The following TMEM132D variants were observed in gnomAD, a reference collection of about 807,000 sequenced individuals.
The protein encoded by TMEM132D is transmembrane protein 132D, also known as mature OL transmembrane protein.
Under a neutral mutation model 62.3 loss-of-function variants are expected in TMEM132D, and 21 were observed. That is an observed-to-expected ratio of 0.34 (90% confidence interval 0.24 to 0.49). The LOEUF is 0.49. Among genes scored for constraint, TMEM132D ranks in the 20% least tolerant of loss-of-function variants. TMEM132D has a pLI of 0.99. For synonymous variants in TMEM132D, 621 were observed against 575.6 expected, an observed-to-expected ratio of 1.08 and a Z score of -1.13; for missense variants, 1,346 against 1,402.8, an observed-to-expected ratio of 0.96 and a Z score of 0.65.
At chr12:129,487,999 G>C (rs1482567096) in intron 3 of TMEM132D, among the ~76,000 whole-genome samples, 1 of 147,104 alleles carries the variant, frequency 6.8e-6, no homozygotes, top group East Asian at 2.0e-4. Context: ...GCTTTAGGGA[G>C]AACTTTAGGG....
intron 3 of TMEM132D, among the ~76,000 whole-genome samples, chr12:129,365,213 C>T (rs1870366849): frequency 6.6e-6 from 1 of 152,190 alleles, no homozygotes. Flanking sequence ...CAGCTGCCAT[C>T]ACAGGTCAGC....
intron 2 of TMEM132D, among the ~76,000 whole-genome samples, chr12:129,538,990 C>T (rs35928587): frequency 0.036 from 3,933 of 109,676 alleles, 3 homozygotes; most frequent in Middle Eastern, 0.066. Flanking sequence ...TGACCCCTGG[C>T]GATAGGTCAG....
intron 1 of TMEM132D, among the ~76,000 whole-genome samples, chr12:129,863,550 A>G (rs1873964536): frequency 6.6e-6 from 1 of 152,204 alleles, no homozygotes; most frequent in Non-Finnish European, 1.5e-5. Context: ...AGCAGGCCTT[A>G]AAATCTCCCA....
chr12:129,144,136 A>G (rs1041144102), intron 5 of TMEM132D, among the ~76,000 whole-genome samples: 3 of 152,050 alleles, frequency 2.0e-5, no homozygotes, highest in Non-Finnish European at 4.4e-5. Flanking sequence ...CAATTAATGA[A>G]GTAAGGTAGG....
At chr12:129,572,235 G>T (rs1456619821) in intron 2 of TMEM132D, among the ~76,000 whole-genome samples, 1 of 152,216 alleles carries the variant, frequency 6.6e-6, no homozygotes, top group African/African-American at 2.4e-5. Flanking sequence ...TAACAAACGT[G>T]AGTGAAGCTT....
At chr12:129,193,703 C>T (rs1367117920) in intron 5 of TMEM132D, among the ~76,000 whole-genome samples, 1 of 152,178 alleles carries the variant, frequency 6.6e-6, no homozygotes, top group Non-Finnish European at 1.5e-5. Flanking sequence ...GGTTTGTTGT[C>T]CATTCATTCA....
At chr12:129,385,179 C>A (rs1353688630) in intron 3 of TMEM132D, among the ~76,000 whole-genome samples, 1 of 142,936 alleles carries the variant, frequency 7.0e-6, no homozygotes, top group Admixed American at 7.5e-5. Context: ...GATCTTGGCT[C>A]ACTGCAACTT....
At chr12:129,489,767 CATT>C (rs1335261798) in intron 3 of TMEM132D, among the ~76,000 whole-genome samples, 1 of 152,138 alleles carries the variant, frequency 6.6e-6, no homozygotes, top group African/African-American at 2.4e-5. Flanking sequence ...TTTTAAAAAT[CATT>C]ATTATATAAT....
chr12:129,239,150 C>T (rs1165703984), intron 4 of TMEM132D, among the ~76,000 whole-genome samples: 1 of 152,022 alleles, frequency 6.6e-6, no homozygotes, highest in Non-Finnish European at 1.5e-5. Flanking sequence ...GGAGAAATGT[C>T]TGTTCATGTT....
intron 4 of TMEM132D, among the ~76,000 whole-genome samples, chr12:129,280,788 A>T (rs1566020667): frequency 6.6e-6 from 1 of 152,162 alleles, no homozygotes; most frequent in East Asian, 1.9e-4. Context: ...CCACCCATTT[A>T]TTCATCTATC....
At chr12:129,285,011 C>T (rs573977560) in intron 4 of TMEM132D, among the ~76,000 whole-genome samples, 9 of 152,274 alleles carry the variant, frequency 5.9e-5, no homozygotes, top group South Asian at 2.1e-4. Flanking sequence ...TGTGAATATA[C>T]GAAATGCCAC....
intron 1 of TMEM132D, among the ~76,000 whole-genome samples, chr12:129,834,493 C>CA (rs1190387765): frequency 3.5e-5 from 5 of 142,218 alleles, no homozygotes; most frequent in Non-Finnish European, 7.7e-5. Context: ...CCTTCCTAAA[C>CA]CCCCTCTCTC....
chr12:129,258,576 C>T (rs775474419), intron 4 of TMEM132D, among the ~76,000 whole-genome samples: 3 of 152,162 alleles, frequency 2.0e-5, no homozygotes, highest in Admixed American at 6.5e-5. Flanking sequence ...GGAAGGGTAA[C>T]GACCCAGGCC....
At chr12:129,835,354 G>C (rs1404760309) in intron 1 of TMEM132D, among the ~76,000 whole-genome samples, 2 of 152,124 alleles carry the variant, frequency 1.3e-5, no homozygotes, top group Admixed American at 6.5e-5. Context: ...GCAGTGGCGT[G>C]ATCTTGGCTC....
chr12:129,131,909 A>G lies in TMEM132D; in HGVS notation c.1444-47207T>C, dbSNP rs897101183. Among the ~76,000 whole-genome samples the G allele has an allele frequency of 2.6e-5, 4 of 152,316 alleles. No homozygotes were observed. The East Asian group carries it at 7.7e-4, about 29-fold the overall frequency. ...GCAAATATTTCCTTAATATTTTCCA[A>G]ACTTTTATAGGAGACCACAGGGTAA... On this transcript the variant is annotated intron_variant, in intron 5 of 8. Transcript: ENST00000422113.
At chr12:129,872,850 A>G (rs1874296539) in intron 1 of TMEM132D, among the ~76,000 whole-genome samples, 1 of 152,188 alleles carries the variant, frequency 6.6e-6, no homozygotes, top group South Asian at 2.1e-4. Flanking sequence ...GCAAGATTCA[A>G]ATATGTTAGA....
At chr12:129,731,654 G>A (rs1293911256) in intron 1 of TMEM132D, among the ~76,000 whole-genome samples, 1 of 141,552 alleles carries the variant, frequency 7.1e-6, no homozygotes, top group Non-Finnish European at 1.5e-5. Flanking sequence ...TTTCAGACTT[G>A]AAGCCACTGG....
intron 5 of TMEM132D, among the ~76,000 whole-genome samples, chr12:129,112,251 G>A (rs1263892220): frequency 6.6e-6 from 1 of 152,244 alleles, no homozygotes; most frequent in Non-Finnish European, 1.5e-5. Context: ...TGTATGAAAA[G>A]TTGGGAAGGA....
chr12:129,207,832 T>C (rs1878900194), intron 5 of TMEM132D, among the ~76,000 whole-genome samples: 1 of 152,196 alleles, frequency 6.6e-6, no homozygotes, highest in African/African-American at 2.4e-5. Flanking sequence ...ATTTAATACA[T>C]TCATAAAATT....
Sources: gnomAD v4.1 joint callset for allele counts (sites outside exome capture counted in the v4.1 genomes callset) on GRCh38, gnomAD v4.1.1 for gene constraint, MANE v1.5 for transcripts, NCBI Gene and HGNC (gene_info 2026-07-23, HGNC 2026-07-21) for gene names.